Variants in RTL9 observed in about 807,000 individuals in gnomAD.
RTL9 encodes the protein retrotransposon Gag like 9.
RTL9 carries 19 observed loss-of-function variants against 44.7 expected under a neutral mutation model. That is an observed-to-expected ratio of 0.42 (90% confidence interval 0.30 to 0.62). RTL9 has a LOEUF of 0.62. Among genes scored for constraint, RTL9 ranks in the 20% least tolerant of loss-of-function variants. RTL9 has a pLI of 0.16. For missense variants in RTL9, 1,105 were observed against 1,080.6 expected, an observed-to-expected ratio of 1.02 and a Z score of -0.32; for synonymous variants, 407 against 398.9, an observed-to-expected ratio of 1.02 and a Z score of -0.24.
chrX:110,373,841 G>C (rs773767662), intron 1 of RTL9, among the ~76,000 whole-genome samples: 7 of 111,225 alleles, frequency 6.3e-5, no homozygotes, highest in Non-Finnish European at 1.1e-4. Flanking sequence ...TATGGGATGA[G>C]CATTGTAAGA....
rs1405764393 is a variant in RTL9 at position 110,367,758 on chromosome X, T to G, written c.-168+8842T>G. Among the ~76,000 whole-genome samples, 3 of 110,620 alleles carry G rather than the reference T, an allele frequency of 2.7e-5. 1 individual carries two copies. The highest frequency in any genetic ancestry group is 9.9e-5 in the African/African-American group (3 of 30,430). ...CTTGGAGTCTGACTTGACTCCCTTT[T>G]TCTCTCACACTCCAGATCCTATCTA... On this transcript the variant is annotated intron_variant, in intron 1 of 2. Coordinates refer to the RTL9 transcript ENST00000520821.
chrX:110,363,542 A>C (rs1354693365), intron 1 of RTL9, among the ~76,000 whole-genome samples: 2 of 112,258 alleles, frequency 1.8e-5, no homozygotes, highest in Non-Finnish European at 1.9e-5. Flanking sequence ...GGGAAAGTCC[A>C]TATAACTAAG....
upstream of RTL9, among the ~76,000 whole-genome samples, chrX:110,415,571 G>C (rs1382569731): frequency 9.0e-6 from 1 of 111,434 alleles, no homozygotes; most frequent in Non-Finnish European, 1.9e-5. Context: ...CTGGGTTCTG[G>C]GTGCTGTGGG....
At chrX:110,378,745 A>G (rs903964451) in intron 1 of RTL9, among the ~76,000 whole-genome samples, 4 of 111,517 alleles carry the variant, frequency 3.6e-5, no homozygotes, top group Non-Finnish European at 5.7e-5. Flanking sequence ...ACATGCCACC[A>G]ATTTCATTTG....
At chrX:110,414,063 T>A (rs1165675569), upstream of RTL9, among the ~76,000 whole-genome samples, 3 of 111,754 alleles carry the variant, frequency 2.7e-5, no homozygotes, top group Non-Finnish European at 5.6e-5. Flanking sequence ...ATCTTGCGTA[T>A]ATCCCCAATT....
exon 1 of RTL9, chrX:110,453,195 A>G: frequency 1.7e-6 from 2 of 1,211,701 alleles, no homozygotes; most frequent in Non-Finnish European, 2.2e-6. Flanking sequence ...AGGGATGTCC[A>G]TGCCACTGAT....
intron 1 of RTL9, among the ~76,000 whole-genome samples, chrX:110,434,972 C>T (rs2068825861): frequency 9.2e-6 from 1 of 108,183 alleles, no homozygotes; most frequent in Non-Finnish European, 1.9e-5. Context: ...TCCCTTTCCC[C>T]TCATGATCAT....
chrX:110,361,243 A>G (rs756687292), intron 1 of RTL9, among the ~76,000 whole-genome samples: 1 of 111,029 alleles, frequency 9.0e-6, no homozygotes, highest in Non-Finnish European at 1.9e-5. Context: ...TCCCTCTTTC[A>G]TATCCTACAT....
At chrX:110,373,740 A>G (rs1237902658) in intron 1 of RTL9, among the ~76,000 whole-genome samples, 2 of 112,286 alleles carry the variant, frequency 1.8e-5, no homozygotes, top group African/African-American at 6.5e-5. Flanking sequence ...TTCAAGATGT[A>G]AAAAAGGAAC....
In RTL9 at chrX:110,444,418, G is replaced by A. The variant is rs1194573390; in HGVS notation, c.-167-735G>A. ...AACTGTGAGTGATTCCCTAAAGCAGGTCCTTGGACAAGTGCCCATCCTCCA... is the reference window on the plus strand; with the variant it reads ...AACTGTGAGTGATTCCCTAAAGCAGATCCTTGGACAAGTGCCCATCCTCCA... On this transcript the variant is annotated intron_variant, in intron 1 of 3. Coordinates refer to the RTL9 transcript ENST00000465301. Among the ~76,000 whole-genome samples the A allele has an allele frequency of 3.6e-5, 4 of 112,591 alleles. No homozygotes were observed. The East Asian group carries it at 1.1e-3, about 31-fold the overall frequency.
intron 1 of RTL9, among the ~76,000 whole-genome samples, chrX:110,361,348 G>T (rs1462162928): frequency 9.0e-5 from 10 of 111,625 alleles, no homozygotes; most frequent in African/African-American, 3.3e-4. Context: ...ATGTCACAAT[G>T]ATCTGCTTCC....
intron 1 of RTL9, among the ~76,000 whole-genome samples, chrX:110,378,834 C>T (rs2068397769): frequency 9.0e-6 from 1 of 111,347 alleles, no homozygotes; most frequent in South Asian, 3.9e-4. Context: ...GCTGGCTCTT[C>T]CAGTCTTGTG....
intron 1 of RTL9, among the ~76,000 whole-genome samples, chrX:110,395,851 C>T (rs1045455595): frequency 9.0e-6 from 1 of 111,003 alleles, no homozygotes; most frequent in Non-Finnish European, 1.9e-5. Context: ...GGCTCCAGGC[C>T]TGCCTAGCTG....
chrX:110,431,289 G>A (rs1240893251), intron 1 of RTL9, among the ~76,000 whole-genome samples: 2 of 108,825 alleles, frequency 1.8e-5, no homozygotes, highest in Non-Finnish European at 3.8e-5. Context: ...CCAACATGAA[G>A]TGAAGGTTCA....
At chrX:110,391,740 C>T (rs1318220789) in intron 1 of RTL9, among the ~76,000 whole-genome samples, 1 of 112,201 alleles carries the variant, frequency 8.9e-6, no homozygotes, top group Non-Finnish European at 1.9e-5. Context: ...ATGAAAAGGA[C>T]ATACTGTCAA....
chrX:110,365,393 C>A (rs778121540), intron 1 of RTL9, among the ~76,000 whole-genome samples: 2 of 112,355 alleles, frequency 1.8e-5, no homozygotes, highest in South Asian at 7.4e-4. Flanking sequence ...ATTTACAATT[C>A]CAGCCAATAA....
chrX:110,396,983 T>C (rs2068532858), intron 1 of RTL9, among the ~76,000 whole-genome samples: 1 of 111,757 alleles, frequency 8.9e-6, no homozygotes, highest in African/African-American at 3.3e-5. Flanking sequence ...TTTTCTCTTC[T>C]TTTTTTCCAT....
upstream of RTL9, among the ~76,000 whole-genome samples, chrX:110,445,789 C>T (rs1415350061): frequency 8.9e-6 from 1 of 112,180 alleles, no homozygotes; most frequent in Non-Finnish European, 1.9e-5. Flanking sequence ...AGGAGCATGA[C>T]ACCTCCTAGC....
chrX:110,412,146 C>T (rs1222290430), intron 1 of RTL9, among the ~76,000 whole-genome samples: 1 of 112,042 alleles, frequency 8.9e-6, no homozygotes, highest in Non-Finnish European at 1.9e-5. Flanking sequence ...CTCAAATTGG[C>T]AAAAATTTAA....
Sources: gnomAD v4.1 joint callset for allele counts (sites outside exome capture counted in the v4.1 genomes callset) on GRCh38, gnomAD v4.1.1 for gene constraint, MANE v1.5 for transcripts, NCBI Gene and HGNC (gene_info 2026-07-23, HGNC 2026-07-21) for gene names.